Variants in SORCS1 observed in about 807,000 individuals in gnomAD.
SORCS1 encodes the protein VPS10 domain-containing receptor SorCS1.
In SORCS1, 60 loss-of-function variants were observed where a neutral mutation model predicts 146.1. The ratio of observed to expected loss-of-function variants is 0.41; its 90% CI spans 0.33 to 0.51. SORCS1 has a LOEUF of 0.51. Among genes scored for constraint, SORCS1 ranks in the 20% least tolerant of loss-of-function variants. The pLI is 0.21. For synonymous variants in SORCS1, 637 were observed against 584.0 expected (o/e 1.09, Z -1.31); for missense variants, 1,352 against 1,487.6 (o/e 0.91, Z 1.50).
chr10:107,150,066 T>C (rs1793978277), intron 1 of SORCS1, among the ~76,000 whole-genome samples: 1 of 152,254 alleles, frequency 6.6e-6, no homozygotes, highest in Admixed American at 6.5e-5. Context: ...AACTCTATTA[T>C]GGCTATTATG....
intron 23 of SORCS1, among the ~76,000 whole-genome samples, chr10:106,604,518 C>T (rs983495827): frequency 3.3e-5 from 5 of 152,272 alleles, no homozygotes; most frequent in Admixed American, 6.5e-5. Flanking sequence ...GTCTACTTTG[C>T]TTTGAGTCCT....
intron 1 of SORCS1, among the ~76,000 whole-genome samples, chr10:107,006,145 T>C (rs1039909981): frequency 6.6e-6 from 1 of 152,228 alleles, no homozygotes; most frequent in Non-Finnish European, 1.5e-5. Flanking sequence ...ACTCAATACA[T>C]ACTTATTGAC....
At chr10:107,094,130 G>A (rs1043519394) in intron 1 of SORCS1, among the ~76,000 whole-genome samples, 1 of 151,990 alleles carries the variant, frequency 6.6e-6, no homozygotes, top group Non-Finnish European at 1.5e-5. Context: ...TTTCACTAAT[G>A]TATATATTTT....
chr10:107,164,189 G>T lies in SORCS1; in HGVS notation c.338C>A (p.Ala113Glu). The T allele has an allele frequency of 6.2e-7, 1 of 1,611,302 alleles. No individual in the cohort carries two copies. Residue 113 changes from alanine (A) to glutamate (E), a missense_variant, in exon 1 of 26, where the codon GCG becomes GAG. Coordinates refer to ENST00000263054, the MANE Select transcript of SORCS1 (RefSeq NM_052918.5). The surrounding 1 kb of genome is among the most constrained non-coding windows in gnomAD (Gnocchi z 6.8). The part of the protein sequence containing the change: ...ARSGRRRRSG[A>E]DQEKAERGEG... ...TCCCCGTTCTGCCTTCTCCTGATCCGCTCCGCTCCGTCTCCTCCGGCCGGA... is the reference window on the plus strand; with the variant it reads ...TCCCCGTTCTGCCTTCTCCTGATCCTCTCCGCTCCGTCTCCTCCGGCCGGA...
At chr10:106,701,225 C>T (rs1854117923) in intron 8 of SORCS1, among the ~76,000 whole-genome samples, 1 of 152,056 alleles carries the variant, frequency 6.6e-6, no homozygotes, top group Non-Finnish European at 1.5e-5. Context: ...CCTGAGGAGA[C>T]ACAGGTCCAA....
intron 1 of SORCS1, among the ~76,000 whole-genome samples, chr10:107,093,459 G>A (rs1275558664): frequency 1.3e-5 from 2 of 152,226 alleles, no homozygotes; most frequent in Admixed American, 6.5e-5. Context: ...CAGATCACAA[G>A]GTCAAGAGAT....
chr10:107,152,590 G>T (rs1189566106), intron 1 of SORCS1, among the ~76,000 whole-genome samples: 1 of 152,088 alleles, frequency 6.6e-6, no homozygotes, highest in African/African-American at 2.4e-5. Flanking sequence ...AGCTCTCATG[G>T]GATCTGATGG....
At chr10:106,688,695 T>C (rs1407444032) in intron 9 of SORCS1, among the ~76,000 whole-genome samples, 4 of 152,322 alleles carry the variant, frequency 2.6e-5, no homozygotes, top group African/African-American at 9.6e-5. Context: ...ACTTCTATTG[T>C]ATGCTAGTGT....
intron 4 of SORCS1, among the ~76,000 whole-genome samples, chr10:106,772,331 C>A (rs951544964): frequency 5.3e-5 from 8 of 152,174 alleles, no homozygotes; most frequent in African/African-American, 1.7e-4. Flanking sequence ...CCAACCAATT[C>A]TCAGGCCTTC....
At chr10:106,768,705 C>T in intron 4 of SORCS1, among the ~76,000 whole-genome samples, 1 of 152,228 alleles carries the variant, frequency 6.6e-6, no homozygotes, top group Non-Finnish European at 1.5e-5. Context: ...GCCTGTAGCT[C>T]TGCGTACTGG....
chr10:106,983,243 TAC>T (rs374989448), intron 1 of SORCS1, among the ~76,000 whole-genome samples: 1 of 143,086 alleles, frequency 7.0e-6, no homozygotes, highest in Non-Finnish European at 1.5e-5. Context: ...TATATAAATA[TAC>T]ATATACATAT....
At chr10:107,005,723 AT>A (rs1375348152) in intron 1 of SORCS1, among the ~76,000 whole-genome samples, 2 of 152,136 alleles carry the variant, frequency 1.3e-5, no homozygotes, top group South Asian at 4.1e-4. Flanking sequence ...TCATGGGGAA[AT>A]TTTATTTAAT....
intron 1 of SORCS1, among the ~76,000 whole-genome samples, chr10:107,109,830 T>C (rs1965568302): frequency 6.6e-6 from 1 of 152,210 alleles, no homozygotes; most frequent in Non-Finnish European, 1.5e-5. Context: ...CTTTAAGTCA[T>C]TTCTTTGCTC....
At chr10:106,647,128 T>C (rs577508044) in intron 18 of SORCS1, among the ~76,000 whole-genome samples, 1 of 151,250 alleles carries the variant, frequency 6.6e-6, no homozygotes, top group East Asian at 1.9e-4. Context: ...GTAAATTTTG[T>C]GATCTTGTCA....
intron 18 of SORCS1, among the ~76,000 whole-genome samples, chr10:106,633,373 C>T (rs567528504): frequency 6.6e-5 from 10 of 152,074 alleles, no homozygotes; most frequent in South Asian, 2.1e-4. Flanking sequence ...TTATTGTTAA[C>T]GAAAGTTAAC....
intron 2 of SORCS1, among the ~76,000 whole-genome samples, chr10:106,894,007 G>A (rs1951346271): frequency 6.6e-6 from 1 of 152,098 alleles, no homozygotes. Flanking sequence ...CTCTCTCCCT[G>A]ACATATGGAG....
intron 24 of SORCS1, 81 bp from the exon 25 acceptor site, chr10:106,579,555 C>T: frequency 7.1e-7 from 1 of 1,412,304 alleles, no homozygotes. Context: ...ATGTTTCACA[C>T]ACAAGCAGAG....
Position 106,972,575 on chromosome 10 carries a change from T to G in SORCS1, c.559-15995A>C, listed in dbSNP as rs149415466. Among the ~76,000 whole-genome samples the G allele has an allele frequency of 5.6e-3, 830 of 149,008 alleles. 4 individuals are homozygous for G. Among genetic ancestry groups the G allele is most frequent in the Middle Eastern group, 0.034 (10 of 294 alleles). On this transcript the variant is annotated intron_variant, in intron 1 of 25. Transcript: ENST00000263054. The stretch of plus-strand genomic sequence containing the variant: ...TAAAGTTTGAGTGACTTGCCCAAGA[T>G]CAGCTAGGTGGGGGGGCTGAGATTT...
chr10:106,737,479 C>G lies in SORCS1; in HGVS notation c.960-7365G>C, dbSNP rs184214807. The stretch of plus-strand genomic sequence containing the variant: ...TGGTGCAGGCATGGTGGCTCACACA[C>G]TTTGGGAGGCCGAGGTGGGTGGATC... On this transcript the variant is annotated intron_variant, in intron 5 of 25. Coordinates refer to ENST00000263054, the MANE Select transcript of SORCS1 (RefSeq NM_052918.5). Among the ~76,000 whole-genome samples the G allele has an allele frequency of 2.0e-4, 31 of 152,018 alleles. No homozygotes were observed. The East Asian group carries it at 6.0e-3, about 29-fold the overall frequency.
Sources: allele counts gnomAD v4.1 joint callset (sites outside exome capture counted in the v4.1 genomes callset), GRCh38; gene constraint gnomAD v4.1.1; non-coding constraint Gnocchi (gnomAD v3.1); transcripts MANE v1.5; gene names NCBI Gene and HGNC (gene_info 2026-07-23, HGNC 2026-07-21).